The following MYO1E variants were observed in gnomAD, a reference collection of about 807,000 sequenced individuals.
MYO1E encodes the protein unconventional myosin-Ie.
In MYO1E, 68 loss-of-function variants were observed where a neutral mutation model predicts 151.1. The observed-to-expected ratio is 0.45, with a 90% CI of 0.37 to 0.55. The LOEUF (loss-of-function observed/expected upper bound fraction) is 0.55, where lower values mean the gene tolerates loss of function less well. Among genes scored for constraint, MYO1E ranks in the 20% least tolerant of loss-of-function variants. The probability of loss-of-function intolerance (pLI) is 0.00; values close to 1 mark genes in which losing one functional copy is unlikely to be tolerated. For missense variants in MYO1E, 1,363 were observed against 1,389.3 expected, an observed-to-expected ratio of 0.98 and a Z score of 0.30; for synonymous variants, 601 against 501.7, an observed-to-expected ratio of 1.20 and a Z score of -2.64.
chr15:59,360,999 G>A (rs1177656770), intron 1 of MYO1E, among the ~76,000 whole-genome samples: 1 of 152,196 alleles, frequency 6.6e-6, no homozygotes, highest in East Asian at 1.9e-4. Context: ...GCAAGCAAGG[G>A]TTGAAAAATG....
chr15:59,299,107 T>A (rs530077059), intron 1 of MYO1E, among the ~76,000 whole-genome samples: 3 of 152,364 alleles, frequency 2.0e-5, no homozygotes, highest in East Asian at 1.9e-4. Context: ...TACGGCCACA[T>A]GTTTTACAAG....
intron 26 of MYO1E, among the ~76,000 whole-genome samples, chr15:59,145,447 T>A (rs1222415353): frequency 2.6e-5 from 4 of 152,162 alleles, no homozygotes; most frequent in Admixed American, 1.3e-4. Flanking sequence ...ATCATTTATC[T>A]CTTCCTACTT....
At position 59,272,397 on chromosome 15, in the gene MYO1E, C is replaced by G; in HGVS notation, c.56G>C (p.Ser19Thr). ...CAGTAGCACCATGTCGTCCACACCACTGTGCTTGACATTGTGGCTTTGCCA... is the reference window on the plus strand; with the variant it reads ...CAGTAGCACCATGTCGTCCACACCAGTGTGCTTGACATTGTGGCTTTGCCA... ...YHWQSHNVKH[S>T]GVDDMVLLSK... The change falls in exon 2 of 28, where the codon AGT becomes ACT. Residue 19 changes from serine to threonine, a missense_variant. Physicochemically the swap from Ser to Thr is moderately conservative, Grantham distance 58 (BLOSUM62 1). Coordinates refer to ENST00000288235, the MANE Select transcript of MYO1E (RefSeq NM_004998.4). 1.2e-6 allele frequency: 2 copies of G among 1,614,112 alleles called. No homozygotes were observed. Among genetic ancestry groups the G allele is most frequent in the Non-Finnish European group, 1.7e-6 (2 of 1,179,906 alleles).
intron 5 of MYO1E, among the ~76,000 whole-genome samples, chr15:59,234,704 C>T (rs2080051458): frequency 6.6e-6 from 1 of 151,820 alleles, no homozygotes; most frequent in Non-Finnish European, 1.5e-5. Context: ...CACCTGTGGT[C>T]CCAGCTACTT....
At chr15:59,231,900 C>A in intron 5 of MYO1E, 109 bp from the exon 6 acceptor site, 1 of 1,060,826 alleles carries the variant, frequency 9.4e-7, no homozygotes. Context: ...GGTGAGGGGC[C>A]CCACACCCGT....
intron 1 of MYO1E, among the ~76,000 whole-genome samples, chr15:59,307,459 A>G (rs1352471882): frequency 1.3e-5 from 2 of 152,198 alleles, no homozygotes; most frequent in African/African-American, 4.8e-5. Context: ...AGATTCTGTC[A>G]ACTTTAATCT....
At chr15:59,292,404 T>C (rs1285857645) in intron 1 of MYO1E, among the ~76,000 whole-genome samples, 1 of 152,242 alleles carries the variant, frequency 6.6e-6, no homozygotes, top group African/African-American at 2.4e-5. Flanking sequence ...CCATGAAATG[T>C]ACTACGACTG....
At chr15:59,178,341 T>G in intron 19 of MYO1E, 52 bp downstream of exon 19, 1 of 1,607,648 alleles carries the variant, frequency 6.2e-7, no homozygotes. Context: ...GGAGCAGGGC[T>G]GGCGGGGGCC....
At chr15:59,311,334 G>C (rs574353293) in intron 1 of MYO1E, among the ~76,000 whole-genome samples, 1 of 152,128 alleles carries the variant, frequency 6.6e-6, no homozygotes, top group South Asian at 2.1e-4. Flanking sequence ...TCCCTCACAT[G>C]CGCAGTTCAT....
At chr15:59,206,598 G>C in intron 14 of MYO1E, 1 of 265,090 alleles carries the variant, frequency 3.8e-6, no homozygotes, top group Non-Finnish European at 7.1e-6. Context: ...GTTAACAGAA[G>C]CATGTTTCCT....
At chr15:59,297,165 T>A (rs1469590208) in intron 1 of MYO1E, among the ~76,000 whole-genome samples, 2 of 151,720 alleles carry the variant, frequency 1.3e-5, no homozygotes, top group African/African-American at 2.4e-5. Context: ...AAATTTAACA[T>A]CGATAGAATA....
chr15:59,197,315 T>A (rs1398655730), intron 16 of MYO1E, among the ~76,000 whole-genome samples: 2 of 152,184 alleles, frequency 1.3e-5, no homozygotes, highest in Non-Finnish European at 2.9e-5. Flanking sequence ...TTTCCAAGAA[T>A]AACTTTGCAA....
chr15:59,251,915 C>T (rs1183742633), intron 4 of MYO1E, among the ~76,000 whole-genome samples: 1 of 152,020 alleles, frequency 6.6e-6, no homozygotes, highest in Admixed American at 6.6e-5. Flanking sequence ...GGACAAAAAC[C>T]AGAAAAGAAA....
rs576277137 is a variant in MYO1E, at chr15:59,222,497, T to C, written c.910+562A>G. 2.6e-5 allele frequency among the ~76,000 whole-genome samples: 4 copies of C among 152,336 alleles called. No individual in the cohort carries two copies. In the East Asian group the frequency reaches 5.8e-4, roughly 22 times the overall value. On this transcript the variant is annotated intron_variant, in intron 9 of 27. Coordinates refer to ENST00000288235, the MANE Select transcript of MYO1E (RefSeq NM_004998.4). The stretch of plus-strand genomic sequence containing the variant: ...GGTGTTGAGGCTCCAGGTATACAGA[T>C]GTGATCATTAAAAGTGATCATCAGA...
At position 59,146,311 on chromosome 15, in the gene MYO1E, T is replaced by TTTTTG. The variant is rs557340074; in HGVS notation, c.3080+7274_3080+7278dup. Among the ~76,000 whole-genome samples, 258 of 152,208 alleles carry TTTTTG rather than the reference T, an allele frequency of 1.7e-3. 2 individuals carry two copies. Among genetic ancestry groups the TTTTTG allele is most frequent in the Admixed American group, 1.7e-3 (26 of 15,280 alleles). On this transcript the variant is annotated intron_variant, in intron 26 of 27. Transcript: ENST00000288235. ...ATTATTTCATTGAGATAATGGTTGT[T>TTTTTG]TTTTGTTTTGTTTTGTTTTGTTTGA...
At position 59,350,999 on chromosome 15, in the gene MYO1E, C is replaced by T. The variant is rs1373782252; in HGVS notation, c.3+21499G>A. Among the ~76,000 whole-genome samples the T allele has an allele frequency of 6.6e-6, 1 of 152,230 alleles. No individual in the cohort carries two copies. Among genetic ancestry groups the T allele is most frequent in the Non-Finnish European group, 1.5e-5 (1 of 68,032 alleles). ...GCAAGCTCCGCCTCCCAGGTTCACG[C>T]CATTCTCCAGCCTCAGCCTCCAGAG... On this transcript the variant is annotated intron_variant, in intron 1 of 27. Coordinates refer to ENST00000288235, the MANE Select transcript of MYO1E (RefSeq NM_004998.4). This position sits in a 1 kb window ranked among gnomAD's most constrained non-coding sequence, Gnocchi z 5.0.
chr15:59,272,146 G>C (rs2080292246), intron 2 of MYO1E, 160 bp downstream of exon 2: 6 of 726,414 alleles, frequency 8.3e-6, no homozygotes, highest in Non-Finnish European at 1.4e-5. Flanking sequence ...AATAGAGATG[G>C]GGTCTCCCTG....
chr15:59,193,311 T>G (rs2079745574), intron 17 of MYO1E, among the ~76,000 whole-genome samples: 1 of 152,208 alleles, frequency 6.6e-6, no homozygotes, highest in Admixed American at 6.5e-5. Context: ...TATGATTGAT[T>G]GATTGATTGA....
chr15:59,221,216 G>A (rs886701459), intron 9 of MYO1E, among the ~76,000 whole-genome samples: 12 of 151,688 alleles, frequency 7.9e-5, no homozygotes, highest in South Asian at 2.1e-4. Flanking sequence ...TCACCATGTT[G>A]GCCAGGCTGG....
Sources: gnomAD v4.1 joint callset for allele counts (sites outside exome capture counted in the v4.1 genomes callset) on GRCh38, gnomAD v4.1.1 for gene constraint, Gnocchi (gnomAD v3.1) non-coding constraint, MANE v1.5 for transcripts, NCBI Gene and HGNC (gene_info 2026-07-23, HGNC 2026-07-21) for gene names.